Variants in CCDC141 observed in about 807,000 individuals in gnomAD.
The protein encoded by CCDC141 is coiled-coil domain containing 141.
A neutral mutation model predicts 181.0 loss-of-function variants in CCDC141; 168 were observed. The observed-to-expected ratio is 0.93, with a 90% CI of 0.82 to 1.05. The LOEUF is 1.05. CCDC141 is among the 50% of genes least tolerant of loss of function. The probability of loss-of-function intolerance (pLI) is 0.00; values close to 1 mark genes in which losing one functional copy is unlikely to be tolerated. For synonymous variants in CCDC141, 666 were observed against 642.3 expected (o/e 1.04, Z -0.56); for missense variants, 1,902 against 1,788.5 (o/e 1.06, Z -1.14).
At chr2:178,933,532 T>C (rs969363843) in intron 6 of CCDC141, among the ~76,000 whole-genome samples, 1 of 152,150 alleles carries the variant, frequency 6.6e-6, no homozygotes, top group Non-Finnish European at 1.5e-5. Flanking sequence ...TAAGTTTCCT[T>C]TAAGCCTTAA....
At chr2:178,941,354 G>A (rs550298103) in intron 6 of CCDC141, among the ~76,000 whole-genome samples, 3 of 152,066 alleles carry the variant, frequency 2.0e-5, no homozygotes, top group Non-Finnish European at 4.4e-5. Context: ...CATATGATTC[G>A]GAGACTCCTG....
At chr2:178,959,292 T>A (rs1176797742) in intron 5 of CCDC141, among the ~76,000 whole-genome samples, 4 of 147,902 alleles carry the variant, frequency 2.7e-5, no homozygotes, top group African/African-American at 1.0e-4. Context: ...TAAAGTATAA[T>A]AATTAAAAAA....
chr2:178,943,435 C>A (rs1689599878), intron 6 of CCDC141, among the ~76,000 whole-genome samples: 2 of 152,080 alleles, frequency 1.3e-5, no homozygotes, highest in South Asian at 4.1e-4. Flanking sequence ...GTGTCATGAT[C>A]CCCATGAAAA....
At chr2:178,973,048 C>A (rs1398481040) in intron 4 of CCDC141, among the ~76,000 whole-genome samples, 2 of 152,138 alleles carry the variant, frequency 1.3e-5, no homozygotes, top group Non-Finnish European at 2.9e-5. Flanking sequence ...GAATGGCTAG[C>A]TGCACTTATA....
intron 22 of CCDC141, among the ~76,000 whole-genome samples, chr2:178,840,139 T>C (rs1194565271): frequency 6.6e-6 from 1 of 152,230 alleles, no homozygotes; most frequent in Non-Finnish European, 1.5e-5. Context: ...GCTCTTTGAC[T>C]GTTTGGAGAA....
intron 8 of CCDC141, among the ~76,000 whole-genome samples, chr2:178,904,989 G>C (rs180759384): frequency 6.6e-6 from 1 of 152,314 alleles, no homozygotes; most frequent in Admixed American, 6.5e-5. Context: ...ATGAACCAAA[G>C]GGAAGGAGCT....
chr2:178,917,983 G>C (rs183739916), intron 7 of CCDC141, among the ~76,000 whole-genome samples: 2 of 152,196 alleles, frequency 1.3e-5, no homozygotes, highest in Admixed American at 1.3e-4. Context: ...ATGAATAAAA[G>C]GAGGCCTTCG....
chr2:178,884,067 G>T (rs545364743), intron 11 of CCDC141, among the ~76,000 whole-genome samples: 1 of 152,164 alleles, frequency 6.6e-6, no homozygotes, highest in East Asian at 1.9e-4. Context: ...AAATAATTTT[G>T]TTGTATGTTT....
At chr2:178,817,855 T>G in the CCDC141 span, among the ~76,000 whole-genome samples, 1 of 131,400 alleles carries the variant, frequency 7.6e-6, no homozygotes, top group Non-Finnish European at 1.6e-5. Context: ...TAGGCTGGAG[T>G]GCAGTGGCAC....
intron 21 of CCDC141, among the ~76,000 whole-genome samples, chr2:178,846,272 C>T (rs974280199): frequency 4.6e-5 from 7 of 152,012 alleles, no homozygotes; most frequent in Non-Finnish European, 8.8e-5. Flanking sequence ...TATTTTGTTC[C>T]CTGCATTTCA....
chr2:178,990,869 A>G (rs1446118177), intron 2 of CCDC141, among the ~76,000 whole-genome samples: 1 of 152,034 alleles, frequency 6.6e-6, no homozygotes, highest in African/African-American at 2.4e-5. Context: ...AAGGTTTTGG[A>G]TCTAGATAGA....
intron 5 of CCDC141, among the ~76,000 whole-genome samples, chr2:178,946,070 C>T (rs1689720635): frequency 6.6e-6 from 1 of 152,134 alleles, no homozygotes; most frequent in Non-Finnish European, 1.5e-5. Context: ...AGCATTTTAG[C>T]CCATCATTAG....
At chr2:179,045,222 CT>C (rs1285325108) in intron 2 of CCDC141, among the ~76,000 whole-genome samples, 1 of 142,414 alleles carries the variant, frequency 7.0e-6, no homozygotes, top group Non-Finnish European at 1.5e-5. Context: ...TTCATGTGTT[CT>C]CATTGTTCAA....
chr2:178,890,240 C>T (rs541133639), intron 8 of CCDC141, among the ~76,000 whole-genome samples: 1 of 152,206 alleles, frequency 6.6e-6, no homozygotes, highest in Admixed American at 6.6e-5. Flanking sequence ...ATGATTAATA[C>T]AATTCAGAAA....
chr2:179,000,927 GTTT>G (rs373835156), intron 2 of CCDC141, among the ~76,000 whole-genome samples: 1 of 152,150 alleles, frequency 6.6e-6, no homozygotes, highest in African/African-American at 2.4e-5. Context: ...CCCTTGAACT[GTTT>G]TTTATTCCTT....
chr2:178,847,497 C>T (rs1300093849), intron 21 of CCDC141, among the ~76,000 whole-genome samples: 1 of 152,148 alleles, frequency 6.6e-6, no homozygotes, highest in Non-Finnish European at 1.5e-5. Flanking sequence ...CACCACTACA[C>T]TCCAGCCTGG....
At chr2:178,818,202 A>C in the CCDC141 span, among the ~76,000 whole-genome samples, 2 of 152,162 alleles carry the variant, frequency 1.3e-5, no homozygotes, top group African/African-American at 4.8e-5. Context: ...ATGTCTAGCA[A>C]TGATCAATAA....
At chr2:178,991,723 C>T (rs550516249) in intron 2 of CCDC141, among the ~76,000 whole-genome samples, 3 of 152,024 alleles carry the variant, frequency 2.0e-5, no homozygotes, top group Admixed American at 6.5e-5. Flanking sequence ...TTTGAGGTGA[C>T]GGATATCTCA....
intron 17 of CCDC141, among the ~76,000 whole-genome samples, chr2:178,860,542 AC>A (rs1685563496): frequency 4.0e-5 from 1 of 25,166 alleles, no homozygotes; most frequent in African/African-American, 2.0e-4. Context: ...AAAAAACAAC[AC>A]TTTTTTTTTT....
Sources: gnomAD v4.1 joint callset for allele counts (sites outside exome capture counted in the v4.1 genomes callset) on GRCh38, gnomAD v4.1.1 for gene constraint, MANE v1.5 for transcripts, NCBI Gene and HGNC (gene_info 2026-07-23, HGNC 2026-07-21) for gene names.